GDPD5: variants seen among roughly 807,000 people sequenced by gnomAD.
GDPD5 encodes glycerophosphodiester phosphodiesterase domain containing 5.
Under a neutral mutation model 75.1 loss-of-function variants are expected in GDPD5, and 48 were observed. That is an observed-to-expected ratio of 0.64 (90% confidence interval 0.51 to 0.81). The LOEUF (loss-of-function observed/expected upper bound fraction) is 0.81. Ranked by LOEUF, GDPD5 falls within the 40% of genes least tolerant of loss-of-function variation. GDPD5 has a pLI of 0.00. For missense variants in GDPD5, 706 were observed against 822.6 expected (o/e 0.86, Z 1.73); for synonymous variants, 336 against 339.0 (o/e 0.99, Z 0.10).
intron 3 of GDPD5, among the ~76,000 whole-genome samples, chr11:75,476,889 G>A (rs370296473): frequency 2.8e-4 from 25 of 90,754 alleles, no homozygotes; most frequent in African/African-American, 9.7e-4. Flanking sequence ...CCCCCACCCC[G>A]GCCCACACCC....
intron 5 of GDPD5, among the ~76,000 whole-genome samples, chr11:75,457,487 A>T (rs964123035): frequency 4.6e-5 from 7 of 152,278 alleles, no homozygotes; most frequent in Non-Finnish European, 7.3e-5. Flanking sequence ...AGTCGCTATT[A>T]TAAATTAAGA....
intron 9 of GDPD5, 22 bp downstream of exon 9, chr11:75,448,955 A>G (rs777464071): frequency 6.5e-7 from 1 of 1,542,752 alleles, no homozygotes; most frequent in Non-Finnish European, 8.7e-7. Context: ...CGGGGCTGTT[A>G]GGACCCTGAG....
At chr11:75,517,997 T>C (rs1389994877) in intron 1 of GDPD5, among the ~76,000 whole-genome samples, 4 of 152,182 alleles carry the variant, frequency 2.6e-5, no homozygotes, top group Non-Finnish European at 4.4e-5. Flanking sequence ...CCTTGTCTTA[T>C]CTCTTAGAGA....
intron 1 of GDPD5, among the ~76,000 whole-genome samples, chr11:75,509,984 AT>A (rs997848443): frequency 2.0e-5 from 3 of 152,116 alleles, no homozygotes; most frequent in Non-Finnish European, 2.9e-5. Context: ...CTGGCTGCCC[AT>A]TTTCACATAG....
At chr11:75,504,136 C>T (rs1329707297) in intron 1 of GDPD5, among the ~76,000 whole-genome samples, 3 of 152,194 alleles carry the variant, frequency 2.0e-5, no homozygotes, top group African/African-American at 7.2e-5. Context: ...TGGATGGGTG[C>T]AGGTGAGCTG....
chr11:75,442,346 G>GC lies in GDPD5; in HGVS notation c.1167+16dup. ...GGCCAGGGCTCCCGGGGGCAGAGCT[G>GC]CGTTGCAGGGCCTCACCTGGTGCTG... On this transcript the variant is annotated intron_variant, in intron 12 of 16. Transcript: ENST00000336898. The GC allele has an allele frequency of 2.0e-6, 3 of 1,535,444 alleles. No individual in the cohort carries two copies. The highest frequency in any genetic ancestry group is 2.6e-6 in the Non-Finnish European group (3 of 1,137,450).
chr11:75,509,391 G>A (rs1043825671), intron 1 of GDPD5, among the ~76,000 whole-genome samples: 5 of 152,144 alleles, frequency 3.3e-5, no homozygotes, highest in African/African-American at 1.2e-4. Context: ...GGCTCCTATT[G>A]CTCTGGCCTG....
At chr11:75,485,422 A>C (rs956005838) in intron 2 of GDPD5, 1 of 152,024 alleles carries the variant, frequency 6.6e-6, no homozygotes, top group African/African-American at 2.4e-5. Context: ...GGGGAGGAGA[A>C]AGGCAGAGGA....
intron 2 of GDPD5, chr11:75,485,510 TACACACACACACACACACACACACACAC>T (rs3138546): frequency 2.8e-5 from 4 of 143,488 alleles, no homozygotes; most frequent in Non-Finnish European, 6.1e-5. Context: ...GTGTATTAAA[TACACACACACACACACACACACACACAC>T]ACACACACAC....
chr11:75,486,166 T>A (rs1950018632), intron 2 of GDPD5, among the ~76,000 whole-genome samples: 1 of 152,088 alleles, frequency 6.6e-6, no homozygotes. Flanking sequence ...CGCTCTCTCC[T>A]CACCCCCAGT....
intron 3 of GDPD5, among the ~76,000 whole-genome samples, chr11:75,473,423 T>C (rs1479501826): frequency 6.6e-6 from 1 of 152,040 alleles, no homozygotes; most frequent in Non-Finnish European, 1.5e-5. Flanking sequence ...CACTCCTTCC[T>C]CTGCACCTCA....
intron 9 of GDPD5, 71 bp downstream of exon 9, chr11:75,448,906 A>T: frequency 6.8e-7 from 1 of 1,471,998 alleles, no homozygotes; most frequent in Non-Finnish European, 9.0e-7. Context: ...ACATATATCC[A>T]TTTCCCAAGA....
At chr11:75,503,992 C>A (rs780827771) in intron 1 of GDPD5, among the ~76,000 whole-genome samples, 21 of 152,236 alleles carry the variant, frequency 1.4e-4, no homozygotes, top group Non-Finnish European at 2.4e-4. Context: ...GGTCCCCAGG[C>A]TGGAGAGCCA....
intron 3 of GDPD5, among the ~76,000 whole-genome samples, chr11:75,467,408 C>T (rs573301265): frequency 2.0e-5 from 3 of 152,280 alleles, no homozygotes; most frequent in African/African-American, 7.2e-5. Context: ...CCCAGCATCA[C>T]GCCGGGCACA....
chr11:75,509,307 C>G (rs905361111), intron 1 of GDPD5, among the ~76,000 whole-genome samples: 5 of 152,212 alleles, frequency 3.3e-5, no homozygotes, highest in African/African-American at 9.7e-5. Context: ...CACCATCTTT[C>G]TTTCTGTTCA....
At chr11:75,436,294 C>T (rs1948623140) in intron 16 of GDPD5, among the ~76,000 whole-genome samples, 1 of 152,190 alleles carries the variant, frequency 6.6e-6, no homozygotes, top group South Asian at 2.1e-4. Flanking sequence ...GCAAGCGGTG[C>T]TCCCTTGCCA....
intron 6 of GDPD5, chr11:75,451,935 C>T (rs1949169734): frequency 6.6e-6 from 1 of 152,240 alleles, no homozygotes; most frequent in Admixed American, 6.5e-5. Context: ...CAACCACCAT[C>T]GCTCCTGAAA....
At chr11:75,524,899 C>T (rs546760054) in intron 1 of GDPD5, among the ~76,000 whole-genome samples, 2 of 152,344 alleles carry the variant, frequency 1.3e-5, no homozygotes, top group East Asian at 3.9e-4. Context: ...CCAGTCTCCT[C>T]CCCGCAGTGA....
intron 6 of GDPD5, among the ~76,000 whole-genome samples, chr11:75,453,829 A>T (rs1949228250): frequency 6.6e-6 from 1 of 152,202 alleles, no homozygotes; most frequent in African/African-American, 2.4e-5. Context: ...TTGGGAAGCC[A>T]TCTAAAAAGA....
Sources: allele counts gnomAD v4.1 joint callset (sites outside exome capture counted in the v4.1 genomes callset), GRCh38; gene constraint gnomAD v4.1.1; transcripts MANE v1.5; gene names NCBI Gene and HGNC (gene_info 2026-07-23, HGNC 2026-07-21).